The following NCKAP1 variants were observed in gnomAD, a reference collection of about 807,000 sequenced individuals.
NCKAP1 encodes the protein nck-associated protein 1.
In NCKAP1, 21 loss-of-function variants were observed where a neutral mutation model predicts 151.2. That is an observed-to-expected ratio of 0.14 (90% CI 0.10 to 0.20). The LOEUF (loss-of-function observed/expected upper bound fraction) is 0.20, where lower values mean the gene tolerates loss of function less well. NCKAP1 is among the 10% of genes least tolerant of loss of function. The pLI, the probability that NCKAP1 is intolerant of heterozygous loss-of-function variation, is 1.00. For missense variants in NCKAP1, 933 were observed against 1,352.1 expected (o/e 0.69, Z 4.86); for synonymous variants, 484 against 451.8 (o/e 1.07, Z -0.90).
intron 2 of NCKAP1, among the ~76,000 whole-genome samples, chr2:183,006,106 A>G (rs1250611040): frequency 1.3e-5 from 2 of 152,224 alleles, no homozygotes; most frequent in South Asian, 2.1e-4. Flanking sequence ...GAAGTATCCA[A>G]TGCAAACATC....
chr2:183,020,464 C>CAAAAAAAAAA (rs1179083096), intron 2 of NCKAP1, among the ~76,000 whole-genome samples: 9 of 71,538 alleles, frequency 1.3e-4, no homozygotes, highest in Admixed American at 1.6e-4. Flanking sequence ...GACCGTGTCC[C>CAAAAAAAAAA]AAAAAAAAAA....
At chr2:182,997,465 A>T (rs1416334933) in intron 6 of NCKAP1, among the ~76,000 whole-genome samples, 1 of 152,126 alleles carries the variant, frequency 6.6e-6, no homozygotes, top group African/African-American at 2.4e-5. Context: ...GTTTCAAAGA[A>T]TTTTTTTATT....
chr2:183,026,564 C>T (rs1698901495), intron 1 of NCKAP1, among the ~76,000 whole-genome samples: 1 of 151,724 alleles, frequency 6.6e-6, no homozygotes, highest in Non-Finnish European at 1.5e-5. Context: ...TTACCTTTTC[C>T]ACACTGCTCA....
In NCKAP1 at chr2:182,923,761, TAA is replaced by T. The variant is rs35818510; in HGVS notation, c.*1939_*1940del. The T allele has an allele frequency of 1.3e-5, 2 of 152,200 alleles. No homozygotes were observed. The highest frequency in any genetic ancestry group is 2.9e-5 in the Non-Finnish European group (2 of 68,036). 9.4% of individuals were successfully genotyped at this position (152,200 alleles called of 1,614,324 possible). Reference sequence around the variant, plus strand: ...GAAGAAAATAAAACAAACAAGATATTAAAAATAGTAGTTGTCAATTTACTTTT... The same window carrying T: ...GAAGAAAATAAAACAAACAAGATATTAAATAGTAGTTGTCAATTTACTTTT... On this transcript the variant is annotated 3_prime_UTR_variant, in exon 31 of 31. Coordinates refer to ENST00000361354, the MANE Select transcript of NCKAP1 (RefSeq NM_013436.5).
chr2:182,930,478 C>G (rs1299196186), intron 27 of NCKAP1, among the ~76,000 whole-genome samples: 1 of 152,010 alleles, frequency 6.6e-6, no homozygotes, highest in African/African-American at 2.4e-5. Context: ...TCTATATACA[C>G]TAAATGGCTC....
chr2:183,029,725 T>C (rs1193190166), intron 1 of NCKAP1, among the ~76,000 whole-genome samples: 1 of 144,802 alleles, frequency 6.9e-6, no homozygotes, highest in Non-Finnish European at 1.5e-5. Flanking sequence ...GAGGCTAAGA[T>C]GGAAGGACTG....
intron 2 of NCKAP1, among the ~76,000 whole-genome samples, chr2:183,023,593 T>A (rs1218654698): frequency 2.0e-5 from 3 of 152,168 alleles, no homozygotes; most frequent in Non-Finnish European, 4.4e-5. Flanking sequence ...TAATCTAAGA[T>A]CTTTGCTGTA....
At chr2:183,027,127 T>G (rs1025314833) in intron 1 of NCKAP1, among the ~76,000 whole-genome samples, 1 of 152,192 alleles carries the variant, frequency 6.6e-6, no homozygotes, top group Non-Finnish European at 1.5e-5. Context: ...GAACCTGAGT[T>G]TCAAGACAGG....
intron 1 of NCKAP1, among the ~76,000 whole-genome samples, chr2:183,034,826 G>T (rs1004067807): frequency 2.1e-4 from 32 of 152,042 alleles, no homozygotes; most frequent in Non-Finnish European, 7.4e-5. Flanking sequence ...AAATCATAAA[G>T]ATAGAGCTGG....
intron 9 of NCKAP1, among the ~76,000 whole-genome samples, chr2:182,987,219 G>A (rs1698074828): frequency 1.3e-5 from 2 of 152,122 alleles, no homozygotes; most frequent in South Asian, 4.1e-4. Context: ...TTCAGCCTGG[G>A]TGACAGAGCG....
rs1007956824 is a variant in NCKAP1, at chr2:183,027,672, T to G, written c.109-3756A>C. On this transcript the variant is annotated intron_variant, in intron 1 of 30. Coordinates refer to ENST00000361354, the MANE Select transcript of NCKAP1 (RefSeq NM_013436.5). ...AAACTAGAGACCGGCCTGGGCAACA[T>G]AGCAAGATCCTATCTCTACAAAAAA... 5.9e-5 allele frequency among the ~76,000 whole-genome samples: 9 copies of G among 152,144 alleles called. No homozygotes were observed. The East Asian group carries it at 9.7e-4, about 16-fold the overall frequency.
intron 16 of NCKAP1, among the ~76,000 whole-genome samples, chr2:182,966,495 C>G (rs1248633348): frequency 1.3e-5 from 2 of 152,132 alleles, no homozygotes; most frequent in Admixed American, 6.6e-5. Flanking sequence ...CTATGTTGAC[C>G]AGGCTGGTCT....
chr2:182,944,426 C>T (rs1212400970), intron 23 of NCKAP1, among the ~76,000 whole-genome samples: 1 of 152,092 alleles, frequency 6.6e-6, no homozygotes, highest in East Asian at 1.9e-4. Context: ...AAGAACTGAT[C>T]TGTAAAATGC....
At chr2:182,952,595 C>A in intron 22 of NCKAP1, 93 bp from the exon 23 acceptor site, 1 of 1,147,296 alleles carries the variant, frequency 8.7e-7, no homozygotes, top group Non-Finnish European at 1.2e-6. Context: ...ATTATAAAAA[C>A]TAATGTAAAA....
chr2:182,935,346 T>C lies in NCKAP1; in HGVS notation c.2725A>G (p.Ile909Val). The change falls in exon 25 of 31, where the codon ATA (isoleucine) becomes GTA (valine). Residue 909 changes from isoleucine to valine, a missense_variant. Physicochemically the swap from Ile to Val is conservative, Grantham distance 29. Transcript: ENST00000361354. The stretch of plus-strand genomic sequence containing the variant: ...CGGAAGGATAAAATTACACCAATTA[T>C]TGTCATCCTCTTCAAGACACTGTCA... Reference protein sequence around the residue: ...SVDSVLKRMTIIGVILSFRSL... With the variant: ...SVDSVLKRMTVIGVILSFRSL... 1.9e-6 allele frequency: 3 copies of C among 1,587,630 alleles called. No homozygotes were observed. The highest frequency in any genetic ancestry group is 2.6e-6 in the Non-Finnish European group (3 of 1,171,416).
At chr2:182,983,241 A>T (rs919846167) in intron 11 of NCKAP1, 45 bp downstream of exon 11, 7 of 1,460,370 alleles carry the variant, frequency 4.8e-6, no homozygotes, top group Non-Finnish European at 5.6e-6. Flanking sequence ...GTTTTTTAAA[A>T]TTTTAATATG....
chr2:182,974,713 T>C (rs1697770054), intron 15 of NCKAP1, among the ~76,000 whole-genome samples: 1 of 152,100 alleles, frequency 6.6e-6, no homozygotes, highest in East Asian at 1.9e-4. Context: ...GCTTTCAGAC[T>C]GCCAGCCTTC....
chr2:183,025,712 C>A (rs1698881892), intron 1 of NCKAP1, among the ~76,000 whole-genome samples: 1 of 152,040 alleles, frequency 6.6e-6, no homozygotes, highest in African/African-American at 2.4e-5. Flanking sequence ...AATTTATATT[C>A]TTCTCCCCAA....
intron 10 of NCKAP1, among the ~76,000 whole-genome samples, chr2:182,984,174 T>C (rs921135556): frequency 2.0e-5 from 3 of 152,026 alleles, no homozygotes; most frequent in Non-Finnish European, 2.9e-5. Flanking sequence ...TATACAAAAC[T>C]GAATACACAA....
Sources: allele counts gnomAD v4.1 joint callset (sites outside exome capture counted in the v4.1 genomes callset), GRCh38; gene constraint gnomAD v4.1.1; transcripts MANE v1.5; gene names NCBI Gene and HGNC (gene_info 2026-07-23, HGNC 2026-07-21).